The following HS6ST3 variants were observed in gnomAD, a reference collection of about 807,000 sequenced individuals.
HS6ST3 encodes heparan sulfate 6-O-sulfotransferase 3.
A neutral mutation model predicts 36.7 loss-of-function variants in HS6ST3; 12 were observed. The observed-to-expected ratio is 0.33, with a 90% CI of 0.21 to 0.53. The LOEUF (loss-of-function observed/expected upper bound fraction) is 0.53, where lower values mean the gene tolerates loss of function less well. Ranked by LOEUF, HS6ST3 falls within the 20% of genes least tolerant of loss-of-function variation. The pLI is 0.95. For synonymous variants in HS6ST3, 240 were observed against 257.5 expected, an observed-to-expected ratio of 0.93 and a Z score of 0.65; for missense variants, 584 against 640.9, an observed-to-expected ratio of 0.91 and a Z score of 0.96.
At chr13:96,610,455 T>G (rs1566410596) in intron 1 of HS6ST3, among the ~76,000 whole-genome samples, 1 of 152,198 alleles carries the variant, frequency 6.6e-6, no homozygotes, top group Non-Finnish European at 1.5e-5. Context: ...CATTATGATT[T>G]ATTCTAATCA....
At chr13:96,631,603 G>T (rs978367396) in intron 1 of HS6ST3, among the ~76,000 whole-genome samples, 1 of 152,140 alleles carries the variant, frequency 6.6e-6, no homozygotes, top group Non-Finnish European at 1.5e-5. Context: ...GCCCCAGTCT[G>T]TATCATCTCA....
intron 1 of HS6ST3, among the ~76,000 whole-genome samples, chr13:96,374,689 G>A (rs994887408): frequency 3.3e-5 from 5 of 152,078 alleles, no homozygotes; most frequent in African/African-American, 9.7e-5. Context: ...AAAACCATAA[G>A]CCTGCAGGCA....
intron 1 of HS6ST3, among the ~76,000 whole-genome samples, chr13:96,763,618 A>G (rs1013656372): frequency 2.6e-5 from 4 of 152,130 alleles, no homozygotes; most frequent in Non-Finnish European, 5.9e-5. Flanking sequence ...ACCTAACTGC[A>G]TCGAGTTCAA....
At chr13:96,162,998 C>T (rs1180914890) in intron 1 of HS6ST3, among the ~76,000 whole-genome samples, 1 of 151,728 alleles carries the variant, frequency 6.6e-6, no homozygotes, top group Non-Finnish European at 1.5e-5. Context: ...CCCAAATAAT[C>T]TGATAACAAC....
chr13:96,765,479 G>A (rs1024092813), intron 1 of HS6ST3, among the ~76,000 whole-genome samples: 1 of 152,140 alleles, frequency 6.6e-6, no homozygotes, highest in Non-Finnish European at 1.5e-5. Context: ...AGATTTCTCT[G>A]GAACTACCAT....
At chr13:96,798,609 T>C (rs548882567) in intron 1 of HS6ST3, among the ~76,000 whole-genome samples, 34 of 152,242 alleles carry the variant, frequency 2.2e-4, no homozygotes, top group African/African-American at 7.9e-4. Context: ...TATGTGACTC[T>C]GAGGAAGGTC....
chr13:96,533,352 C>A (rs987710966), intron 1 of HS6ST3, among the ~76,000 whole-genome samples: 2 of 152,120 alleles, frequency 1.3e-5, no homozygotes, highest in Non-Finnish European at 2.9e-5. Context: ...CAGAAATGAT[C>A]CTGTATGTTA....
chr13:96,347,476 C>T (rs994622856), intron 1 of HS6ST3, among the ~76,000 whole-genome samples: 18 of 152,222 alleles, frequency 1.2e-4, no homozygotes, highest in Middle Eastern at 3.4e-3. Flanking sequence ...TGGGTGAAAG[C>T]GCCCTTGTGT....
At chr13:96,125,981 T>A (rs1003711269) in intron 1 of HS6ST3, among the ~76,000 whole-genome samples, 1 of 151,990 alleles carries the variant, frequency 6.6e-6, no homozygotes, top group East Asian at 1.9e-4. Context: ...CTTCCTATAA[T>A]TGACTCTTGA....
chr13:96,591,283 G>A (rs2056381020), intron 1 of HS6ST3, among the ~76,000 whole-genome samples: 1 of 151,904 alleles, frequency 6.6e-6, no homozygotes, highest in South Asian at 2.1e-4. Context: ...AATGATTTGG[G>A]TAGCATGGAT....
At chr13:96,771,840 G>T (rs894012218) in intron 1 of HS6ST3, among the ~76,000 whole-genome samples, 1 of 152,096 alleles carries the variant, frequency 6.6e-6, no homozygotes, top group African/African-American at 2.4e-5. Flanking sequence ...AAAGATAAAA[G>T]ATGTAAAAGA....
Position 96,482,057 on chromosome 13 carries a change from A to G in HS6ST3, c.708-350433A>G, listed in dbSNP as rs554079494. Among the ~76,000 whole-genome samples the G allele has an allele frequency of 2.6e-5, 4 of 152,234 alleles. No homozygotes were observed. The South Asian group carries it at 6.2e-4, about 24-fold the overall frequency. On this transcript the variant is annotated intron_variant, in intron 1 of 1. Coordinates refer to ENST00000376705, the MANE Select transcript of HS6ST3 (RefSeq NM_153456.4). ...TAAAAAGGGAGAAAAATCCCTTACTATTGCTGAAAGTTTCAGCAAAATGCT... is the reference window on the plus strand; with the variant it reads ...TAAAAAGGGAGAAAAATCCCTTACTGTTGCTGAAAGTTTCAGCAAAATGCT...
chr13:96,831,977 A>AAAAAAAAC (rs1555326624), intron 1 of HS6ST3, among the ~76,000 whole-genome samples: 1 of 115,978 alleles, frequency 8.6e-6, no homozygotes, highest in East Asian at 2.9e-4. Flanking sequence ...AAAAAAAAAA[A>AAAAAAAAC]AAACAGAGAT....
intron 1 of HS6ST3, among the ~76,000 whole-genome samples, chr13:96,482,750 A>G (rs1477028001): frequency 6.6e-6 from 1 of 152,192 alleles, no homozygotes; most frequent in East Asian, 1.9e-4. Flanking sequence ...TGCAAAACTA[A>G]AAAGGCAGAT....
At chr13:96,213,096 A>G (rs12428610) in intron 1 of HS6ST3, among the ~76,000 whole-genome samples, 74,840 of 151,986 alleles carry the variant, frequency 0.49, 18,632 homozygotes, top group Admixed American at 0.58. Context: ...ATTTTTATGC[A>G]ATTTTGTACT....
intron 1 of HS6ST3, among the ~76,000 whole-genome samples, chr13:96,456,560 A>G (rs1346461957): frequency 1.3e-5 from 2 of 152,198 alleles, no homozygotes; most frequent in South Asian, 2.1e-4. Flanking sequence ...TCTGTTACAC[A>G]TGCCCTTAAA....
chr13:96,384,836 T>G (rs912198990), intron 1 of HS6ST3, among the ~76,000 whole-genome samples: 3 of 152,188 alleles, frequency 2.0e-5, no homozygotes, highest in African/African-American at 7.2e-5. Context: ...ACTCCAAAGA[T>G]AAAGTGTTGA....
intron 1 of HS6ST3, among the ~76,000 whole-genome samples, chr13:96,724,797 T>C (rs148462046): frequency 0.013 from 2,001 of 152,304 alleles, 22 homozygotes; most frequent in Middle Eastern, 0.041. Context: ...TTGTTCTCAA[T>C]CTTGCGATAT....
At chr13:96,679,686 C>T (rs896184582) in intron 1 of HS6ST3, among the ~76,000 whole-genome samples, 1 of 152,180 alleles carries the variant, frequency 6.6e-6, no homozygotes, top group African/African-American at 2.4e-5. Context: ...TTGAATGCTG[C>T]TCTTCCCTAG....
Sources: gnomAD v4.1 joint callset for allele counts (sites outside exome capture counted in the v4.1 genomes callset) on GRCh38, gnomAD v4.1.1 for gene constraint, MANE v1.5 for transcripts, NCBI Gene and HGNC (gene_info 2026-07-23, HGNC 2026-07-21) for gene names.